BLK: variants seen among roughly 807,000 people sequenced by gnomAD.
BLK encodes the protein tyrosine-protein kinase Blk.
Under a neutral mutation model 61.8 loss-of-function variants are expected in BLK, and 64 were observed. The observed-to-expected ratio is 1.03, with a 90% CI of 0.85 to 1.27. BLK has a LOEUF of 1.27. Ranked by LOEUF, BLK falls within the 50% of genes most tolerant of loss-of-function variation. The pLI, the probability that BLK is intolerant of heterozygous loss-of-function variation, is 0.00. For missense variants in BLK, 853 were observed against 660.5 expected (o/e 1.29, Z -3.19); for synonymous variants, 351 against 272.0 (o/e 1.29, Z -2.86).
intron 4 of BLK, 50 bp from the exon 5 acceptor site, chr8:11,548,974 C>T (rs778986290): frequency 1.5e-5 from 22 of 1,503,534 alleles, no homozygotes; most frequent in Middle Eastern, 1.7e-4. Context: ...TGCCCAGTGA[C>T]GGGCCTACAG....
chr8:11,523,614 A>G (rs934159336), intron 1 of BLK, among the ~76,000 whole-genome samples: 8 of 152,228 alleles, frequency 5.3e-5, no homozygotes, highest in South Asian at 2.1e-4. Context: ...AAATATTTAC[A>G]TTTATGACAT....
chr8:11,515,789 G>A (rs1799200993), intron 1 of BLK, among the ~76,000 whole-genome samples: 1 of 152,336 alleles, frequency 6.6e-6, no homozygotes, highest in South Asian at 2.1e-4. Context: ...TGCAGTCTGT[G>A]TTCTTCAGAA....
intron 1 of BLK, among the ~76,000 whole-genome samples, chr8:11,540,990 G>A (rs112283277): frequency 7.9e-4 from 120 of 152,330 alleles, no homozygotes; most frequent in African/African-American, 2.6e-3. Context: ...ATAGGGCCGA[G>A]TGTGATGGCT....
chr8:11,524,884 AG>A (rs1799591897), intron 1 of BLK, among the ~76,000 whole-genome samples: 1 of 151,038 alleles, frequency 6.6e-6, no homozygotes, highest in African/African-American at 2.4e-5. Flanking sequence ...GTCGCAAAAC[AG>A]GATGTAGATA....
intron 1 of BLK, among the ~76,000 whole-genome samples, chr8:11,523,127 C>T (rs1799518490): frequency 6.6e-6 from 1 of 152,058 alleles, no homozygotes. Flanking sequence ...ATATTTCTAT[C>T]ATCTAGGAGT....
intron 3 of BLK, among the ~76,000 whole-genome samples, chr8:11,546,650 A>C (rs975407339): frequency 1.1e-4 from 17 of 152,022 alleles, no homozygotes; most frequent in Non-Finnish European, 2.1e-4. Flanking sequence ...ACCTCAGCTC[A>C]CTGCAACCTC....
intron 1 of BLK, among the ~76,000 whole-genome samples, chr8:11,522,454 A>T (rs1256191363): frequency 6.6e-6 from 1 of 152,144 alleles, no homozygotes; most frequent in African/African-American, 2.4e-5. Context: ...TGTTTTGGGA[A>T]CCCATAGTGC....
chr8:11,507,715 C>G (rs565870759), intron 1 of BLK, among the ~76,000 whole-genome samples: 2 of 152,206 alleles, frequency 1.3e-5, no homozygotes, highest in South Asian at 2.1e-4. Flanking sequence ...ATCAGCCAGG[C>G]CTAGGGTGCA....
chr8:11,500,807 C>T (rs1204570198), intron 1 of BLK, among the ~76,000 whole-genome samples: 1 of 152,204 alleles, frequency 6.6e-6, no homozygotes, highest in East Asian at 1.9e-4. Context: ...GTGACCATGC[C>T]TGGCTCTACC....
intron 1 of BLK, among the ~76,000 whole-genome samples, chr8:11,516,914 C>T (rs974898527): frequency 4.6e-5 from 7 of 152,230 alleles, no homozygotes; most frequent in African/African-American, 1.4e-4. Context: ...CAAGTCCCTG[C>T]TTTCTGTCAT....
At chr8:11,528,668 T>A (rs1271881875) in intron 1 of BLK, among the ~76,000 whole-genome samples, 1 of 152,222 alleles carries the variant, frequency 6.6e-6, no homozygotes, top group African/African-American at 2.4e-5. Flanking sequence ...TGCCTGTATG[T>A]ATTCAAGTGC....
chr8:11,539,541 G>T (rs545982494), intron 1 of BLK, among the ~76,000 whole-genome samples: 1 of 152,214 alleles, frequency 6.6e-6, no homozygotes, highest in African/African-American at 2.4e-5. Context: ...ATTAACCTGA[G>T]ATAGTCCAGA....
chr8:11,538,035 C>G (rs1196315523), intron 1 of BLK, among the ~76,000 whole-genome samples: 1 of 152,148 alleles, frequency 6.6e-6, no homozygotes, highest in Non-Finnish European at 1.5e-5. Context: ...GGTGCACATG[C>G]ATGCTCTCTC....
intron 1 of BLK, among the ~76,000 whole-genome samples, chr8:11,510,300 C>T (rs141523935): frequency 5.1e-4 from 77 of 152,266 alleles, no homozygotes; most frequent in African/African-American, 1.5e-3. Context: ...AGCTCCTTGA[C>T]GGCCATATTT....
In BLK at chr8:11,554,637, C is replaced by T; in HGVS notation, c.473-106C>T. On this transcript the variant is annotated intron_variant, in intron 6 of 12. Coordinates refer to ENST00000259089, the MANE Select transcript of BLK (RefSeq NM_001715.3). ...TGGAGGGAGTGCTGATAATGAAGAA[C>T]AGAATTGGGGAACTTTTTTCAAAGC... is the stretch of plus-strand genomic sequence containing the variant. The T allele has an allele frequency of 2.2e-6, 3 of 1,382,324 alleles. No homozygotes were observed. The Admixed American group carries it at 5.2e-5, about 24-fold the overall frequency. 85.6% of individuals were successfully genotyped at this position (1,382,324 alleles called of 1,614,324 possible).
chr8:11,555,097 G>A (rs1267049604), intron 7 of BLK, among the ~76,000 whole-genome samples: 1 of 152,204 alleles, frequency 6.6e-6, no homozygotes, highest in African/African-American at 2.4e-5. Flanking sequence ...CCCTTAGAGA[G>A]TAGCAAGCAT....
intron 12 of BLK, among the ~76,000 whole-genome samples, chr8:11,563,395 T>A (rs1346824109): frequency 1.3e-5 from 2 of 152,204 alleles, no homozygotes; most frequent in African/African-American, 2.4e-5. Context: ...CCCAGTGGCT[T>A]GTTCTCAGTT....
rs79001113 is a variant in BLK at position 11,502,930 on chromosome 8, C to A, written c.-2+8339C>A. Among the ~76,000 whole-genome samples, 1,406 of 152,334 alleles carry A rather than the reference C, an allele frequency of 9.2e-3. 9 individuals carry two copies. The highest frequency in any genetic ancestry group is 0.044 in the Middle Eastern group (13 of 294). On this transcript the variant is annotated intron_variant, in intron 1 of 12. Coordinates refer to ENST00000259089, the MANE Select transcript of BLK (RefSeq NM_001715.3). Reference sequence around the variant, plus strand: ...TGTCCCCATGGCTGTCATGTCCCTACACCAGCTGCTGCCAGCCACTGTGGG... The same window carrying A: ...TGTCCCCATGGCTGTCATGTCCCTAAACCAGCTGCTGCCAGCCACTGTGGG...
chr8:11,524,462 C>A (rs188703658), intron 1 of BLK, among the ~76,000 whole-genome samples: 2 of 152,272 alleles, frequency 1.3e-5, no homozygotes, highest in African/African-American at 4.8e-5. Context: ...TAAGCCAGCT[C>A]AGAAAGGATG....
Sources: gnomAD v4.1 joint callset for allele counts (sites outside exome capture counted in the v4.1 genomes callset) on GRCh38, gnomAD v4.1.1 for gene constraint, MANE v1.5 for transcripts, NCBI Gene and HGNC (gene_info 2026-07-23, HGNC 2026-07-21) for gene names.